Variants in INPP4A observed in about 807,000 individuals in gnomAD.
The protein encoded by INPP4A is inositol polyphosphate-4-phosphatase, type I, 107kD.
A neutral mutation model predicts 119.8 loss-of-function variants in INPP4A; 33 were observed. That is an observed-to-expected ratio of 0.28 (90% CI 0.21 to 0.37). The LOEUF is 0.37. INPP4A is among the 10% of genes least tolerant of loss of function. INPP4A has a pLI of 1.00. For missense variants in INPP4A, 956 were observed against 1,289.9 expected (o/e 0.74, Z 3.97); for synonymous variants, 496 against 500.7 (o/e 0.99, Z 0.12).
intron 13 of INPP4A, among the ~76,000 whole-genome samples, chr2:98,548,623 A>G (rs1278652217): frequency 6.6e-6 from 1 of 152,158 alleles, no homozygotes; most frequent in Non-Finnish European, 1.5e-5. Context: ...ACCTCTTAGT[A>G]TTTTTCAAAT....
chr2:98,477,787 A>G lies in INPP4A; in HGVS notation c.-166+32702A>G, dbSNP rs1327876932. ...GCCCTGTGTGGGTCTTGCCCAGGAG[A>G]CAGCGGTTGGATGAGGGAGGAGAGG... On this transcript the variant is annotated intron_variant, in intron 1 of 24. Coordinates refer to ENST00000409851, the MANE Select transcript of INPP4A (RefSeq NM_001134225.2). Among the ~76,000 whole-genome samples the G allele has an allele frequency of 6.6e-5, 10 of 152,068 alleles. No homozygotes were observed. The East Asian group carries it at 1.9e-3, about 29-fold the overall frequency.
rs537670377 is a variant in INPP4A, at chr2:98,566,180, G to A, written c.2420+11G>A. The A allele has an allele frequency of 1.9e-6, 3 of 1,569,348 alleles. No individual in the cohort carries two copies. Among genetic ancestry groups the A allele is most frequent in the East Asian group, 2.3e-5 (1 of 43,052 alleles). ...GACACTGGCCGAGAGGTGCGTGCCGGCTCCTCGGGGCTGCGGGGGTGTGGT... is the reference window on the plus strand; with the variant it reads ...GACACTGGCCGAGAGGTGCGTGCCGACTCCTCGGGGCTGCGGGGGTGTGGT... On this transcript the variant is annotated intron_variant, in intron 21 of 24. Transcript: ENST00000409851. The surrounding 1 kb of genome is among the most constrained non-coding windows in gnomAD (Gnocchi z 4.2).
chr2:98,474,600 G>A (rs1340605751), intron 1 of INPP4A, among the ~76,000 whole-genome samples: 1 of 152,176 alleles, frequency 6.6e-6, no homozygotes, highest in Admixed American at 6.5e-5. Flanking sequence ...CAGGCTTCTG[G>A]CCCTAGCCCT....
At chr2:98,513,542 TG>T (rs1311562390) in intron 1 of INPP4A, among the ~76,000 whole-genome samples, 1 of 152,250 alleles carries the variant, frequency 6.6e-6, no homozygotes, top group Non-Finnish European at 1.5e-5. Flanking sequence ...GCTATTGCTC[TG>T]GAATACTTGG....
rs562431407 is a variant in INPP4A at position 98,566,897 on chromosome 2, A to G, written c.2420+728A>G. On this transcript the variant is annotated intron_variant, in intron 21 of 24. Transcript: ENST00000409851. This position sits in a 1 kb window ranked among gnomAD's most constrained non-coding sequence, Gnocchi z 4.2. ...TCATGTGATATGTGTAGAATAGTCT[A>G]AACAGAGATCTTCAAGTACTTGCTG... Among the ~76,000 whole-genome samples the G allele has an allele frequency of 1.6e-4, 25 of 152,332 alleles. No homozygotes were observed. Among genetic ancestry groups the G allele is most frequent in the African/African-American group, 5.8e-4 (24 of 41,576 alleles).
rs967503757 is a variant in INPP4A at position 98,526,906 on chromosome 2, G to A, written c.151+6175G>A. 7.9e-5 allele frequency among the ~76,000 whole-genome samples: 12 copies of A among 152,138 alleles called. No individual in the cohort carries two copies. The South Asian group carries it at 8.3e-4, about 11-fold the overall frequency. On this transcript the variant is annotated intron_variant, in intron 4 of 24. Coordinates refer to ENST00000409851, the MANE Select transcript of INPP4A (RefSeq NM_001134225.2). ...ACACACTTAAACAAACAGGTCTTGC[G>A]TAAACTCAGAGCTAGAACTCACTCA...
rs1384780545 is a variant in INPP4A, at chr2:98,536,109, C to G, written c.388-20C>G. 3 of 1,546,202 alleles carry G rather than the reference C, an allele frequency of 1.9e-6. No individual in the cohort carries two copies. Among genetic ancestry groups the G allele is most frequent in the East Asian group, 2.2e-5 (1 of 44,532 alleles). On this transcript the variant is annotated intron_variant, in intron 6 of 24. Transcript: ENST00000409851. Reference sequence around the variant, plus strand: ...CAAAGCAAGCGCACCAATGCTGCCTCTCTTCCTTCTCTTCCTCAGATGTAT... The same window carrying G: ...CAAAGCAAGCGCACCAATGCTGCCTGTCTTCCTTCTCTTCCTCAGATGTAT...
chr2:98,463,135 C>T (rs1294472307), intron 1 of INPP4A, among the ~76,000 whole-genome samples: 1 of 152,322 alleles, frequency 6.6e-6, no homozygotes, highest in East Asian at 1.9e-4. Flanking sequence ...AGCCACCGCG[C>T]CCAGCCCACA....
chr2:98,580,020 G>A (rs17033813), intron 24 of INPP4A, among the ~76,000 whole-genome samples: 35,927 of 152,160 alleles, frequency 0.24, 4,357 homozygotes, highest in Middle Eastern at 0.35. Context: ...TTCTGTTTTC[G>A]ATACGATCCC....
intron 1 of INPP4A, among the ~76,000 whole-genome samples, chr2:98,507,969 C>G (rs1281768506): frequency 3.9e-5 from 6 of 152,166 alleles, no homozygotes; most frequent in Non-Finnish European, 5.9e-5. Flanking sequence ...ACTGCATCCC[C>G]TGGGTTGAGG....
chr2:98,545,739 A>G (rs771086736), intron 11 of INPP4A, among the ~76,000 whole-genome samples: 10 of 152,126 alleles, frequency 6.6e-5, no homozygotes, highest in Admixed American at 6.5e-4. Flanking sequence ...GGCACCATTC[A>G]CCACCTGAGC....
intron 16 of INPP4A, 43 bp downstream of exon 16, chr2:98,555,851 C>A (rs1294557920): frequency 1.3e-6 from 2 of 1,517,244 alleles, no homozygotes; most frequent in Admixed American, 4.0e-5. Flanking sequence ...CTCCATTTCA[C>A]CTTGTGCTGC....
At chr2:98,548,667 A>C (rs114506126) in intron 13 of INPP4A, among the ~76,000 whole-genome samples, 3 of 152,204 alleles carry the variant, frequency 2.0e-5, no homozygotes, top group African/African-American at 7.2e-5. Flanking sequence ...CACTAATGCC[A>C]TCAAGCCACT....
At chr2:98,530,427 G>A (rs181292144) in intron 4 of INPP4A, among the ~76,000 whole-genome samples, 9 of 152,220 alleles carry the variant, frequency 5.9e-5, no homozygotes, top group Admixed American at 1.3e-4. Context: ...TCTAGGGTCC[G>A]TTAGGGGAAG....
In INPP4A at chr2:98,583,944, A is replaced by G. The variant is rs137873168; in HGVS notation, c.2787-3532A>G. Among the ~76,000 whole-genome samples, 323 of 152,368 alleles carry G rather than the reference A, an allele frequency of 2.1e-3. 1 individual carries two copies. Among genetic ancestry groups the G allele is most frequent in the South Asian group, 6.4e-3 (31 of 4,828 alleles). ...GCACTGCAGGCTCCCTGGGGCAGGC[A>G]TCACCTGTGTGTCACCCCTGTAAGT... On this transcript the variant is annotated intron_variant, in intron 24 of 24. Transcript: ENST00000409851.
intron 1 of INPP4A, among the ~76,000 whole-genome samples, chr2:98,457,919 G>A (rs1045654041): frequency 1.3e-5 from 2 of 151,680 alleles, no homozygotes; most frequent in African/African-American, 4.8e-5. Flanking sequence ...TCCCACCTCA[G>A]CCTCCCAATT....
chr2:98,552,704 A>G (rs556191526), intron 13 of INPP4A, 82 bp from the exon 14 acceptor site: 6 of 1,115,022 alleles, frequency 5.4e-6, no homozygotes, highest in Admixed American at 1.8e-5. Flanking sequence ...TCTTAGGGTC[A>G]ATTGTGGCTG....
Position 98,566,258 on chromosome 2 carries a change from C to A in INPP4A, c.2420+89C>A. 7.5e-7 allele frequency: 1 copy of A among 1,329,210 alleles called. No homozygotes were observed. Among genetic ancestry groups the A allele is most frequent in the Non-Finnish European group, 1.0e-6 (1 of 997,262 alleles). 82.3% of individuals were successfully genotyped at this position (1,329,210 alleles called of 1,614,324 possible). A position where few individuals can be genotyped will look rare whatever the true frequency, so the allele number is the denominator to read the frequency against. ...CTTACCCCTCTTCAGGCTCTAAGTGCTGGACAGACTTTGTCATCCTTCCTT... is the reference window on the plus strand; with the variant it reads ...CTTACCCCTCTTCAGGCTCTAAGTGATGGACAGACTTTGTCATCCTTCCTT... On this transcript the variant is annotated intron_variant, in intron 21 of 24. Transcript: ENST00000409851. The surrounding 1 kb of genome is among the most constrained non-coding windows in gnomAD (Gnocchi z 4.2).
At chr2:98,541,282 A>G (rs1017866625) in intron 10 of INPP4A, among the ~76,000 whole-genome samples, 2 of 151,672 alleles carry the variant, frequency 1.3e-5, no homozygotes, top group African/African-American at 2.4e-5. Flanking sequence ...AGCCGAGATC[A>G]CGCCACTGCA....
Sources: gnomAD v4.1 joint callset for allele counts (sites outside exome capture counted in the v4.1 genomes callset) on GRCh38, gnomAD v4.1.1 for gene constraint, Gnocchi (gnomAD v3.1) non-coding constraint, MANE v1.5 for transcripts, NCBI Gene and HGNC (gene_info 2026-07-23, HGNC 2026-07-21) for gene names.